The following MYPN variants were observed in gnomAD, a reference collection of about 807,000 sequenced individuals.
MYPN encodes the protein myopalladin, also known as sarcomeric protein myopalladin, 145 kDa (MYOP).
MYPN carries 63 observed loss-of-function variants against 129.4 expected under a neutral mutation model. That is an observed-to-expected ratio of 0.49 (90% CI 0.40 to 0.60). The LOEUF is 0.60. Ranked by LOEUF, MYPN falls within the 20% of genes least tolerant of loss-of-function variation. The pLI is 0.00. For synonymous variants in MYPN, 629 were observed against 600.9 expected (o/e 1.05, Z -0.68); for missense variants, 1,596 against 1,635.4 (o/e 0.98, Z 0.42).
intron 2 of MYPN, among the ~76,000 whole-genome samples, chr10:68,133,285 A>T (rs2042438146): frequency 6.6e-6 from 1 of 152,044 alleles, no homozygotes; most frequent in East Asian, 1.9e-4. Flanking sequence ...TCAGCCTCCC[A>T]AAGTGCTGGG....
At chr10:68,152,982 T>TTTTATTTTATTTTATTTTATTTTATTTTA (rs1564665903) in intron 6 of MYPN, among the ~76,000 whole-genome samples, 109 of 64,682 alleles carry the variant, frequency 1.7e-3, no homozygotes, top group African/African-American at 3.6e-3. Flanking sequence ...ATTTTATTTA[T>TTTTATTTTATTTTATTTTATTTTATTTTA]TTTATTTTAT....
intron 8 of MYPN, 66 bp from the exon 9 acceptor site, chr10:68,165,636 C>T: frequency 8.8e-7 from 1 of 1,134,948 alleles, no homozygotes; most frequent in Admixed American, 1.7e-5. Flanking sequence ...TCATCTGATA[C>T]CAGTAAATTC....
At chr10:68,187,091 G>T (rs972394552) in intron 12 of MYPN, among the ~76,000 whole-genome samples, 1 of 152,056 alleles carries the variant, frequency 6.6e-6, no homozygotes. Flanking sequence ...ACCATTCAGG[G>T]CTGGGCATGG....
At chr10:68,096,391 G>A (rs371604376) in intron 1 of MYPN, among the ~76,000 whole-genome samples, 209 of 152,162 alleles carry the variant, frequency 1.4e-3, no homozygotes, top group African/African-American at 4.6e-3. Context: ...GTGAAGCCCC[G>A]TCTCTACTAA....
Position 68,122,264 on chromosome 10 carries a change from C to G in MYPN, c.826C>G (p.Arg276Gly), listed in dbSNP as rs745678026. Residue 276 changes from arginine to glycine, a missense_variant, in exon 2 of 20, where the codon CGG becomes GGG. Coordinates refer to ENST00000358913, the MANE Select transcript of MYPN (RefSeq NM_032578.4). ...GQPPRFTQKL[R>G]SREVPEGTRV... Reference sequence around the variant, plus strand: ...ACCTCCCCGGTTCACTCAAAAGTTACGGAGCAGAGAAGTTCCAGAAGGAAC... The same window carrying G: ...ACCTCCCCGGTTCACTCAAAAGTTAGGGAGCAGAGAAGTTCCAGAAGGAAC... 2 of 1,613,640 alleles carry G rather than the reference C, an allele frequency of 1.2e-6. No individual in the cohort carries two copies. The highest frequency in any genetic ancestry group is 1.7e-6 in the Non-Finnish European group (2 of 1,179,834).
rs1199416417 is a variant in MYPN, at chr10:68,189,129, A to G, written c.2925+3A>G. On this transcript the variant is annotated splice_donor_region_variant and intron_variant, in intron 13 of 19. Transcript: ENST00000358913. ...TTGTTGGGATACCTGTTCCAAAGGT[A>G]GGGAAGATGACAAGCCAGTTGGCCA... is the stretch of plus-strand genomic sequence containing the variant. The G allele has an allele frequency of 1.2e-6, 2 of 1,612,070 alleles. No homozygotes were observed. The highest frequency in any genetic ancestry group is 1.3e-5 in the African/African-American group (1 of 75,022).
chr10:68,191,572 G>C (rs2043514263), intron 13 of MYPN, among the ~76,000 whole-genome samples: 1 of 152,088 alleles, frequency 6.6e-6, no homozygotes, highest in African/African-American at 2.4e-5. Flanking sequence ...GGATTGCGTT[G>C]AATCTGTATA....
upstream of MYPN, among the ~76,000 whole-genome samples, chr10:68,102,758 A>T (rs548234729): frequency 4.6e-5 from 7 of 152,152 alleles, no homozygotes; most frequent in Admixed American, 1.3e-4. Flanking sequence ...AACTACAATT[A>T]AAAAAAAGAA....
intron 2 of MYPN, among the ~76,000 whole-genome samples, chr10:68,137,931 T>G (rs2042512289): frequency 6.6e-6 from 1 of 152,222 alleles, no homozygotes. Flanking sequence ...ACACAAGTGT[T>G]CTTCCATATG....
chr10:68,107,915 G>A (rs78288691), upstream of MYPN, among the ~76,000 whole-genome samples: 3,970 of 152,256 alleles, frequency 0.026, 223 homozygotes, highest in East Asian at 0.2. Context: ...TCCCATGGGA[G>A]AGACCTACCC....
intron 18 of MYPN, among the ~76,000 whole-genome samples, chr10:68,206,295 A>G (rs1284361900): frequency 2.0e-5 from 3 of 152,088 alleles, no homozygotes; most frequent in Admixed American, 6.5e-5. Flanking sequence ...ACAGAAGGAA[A>G]CAGCAGGCTG....
chr10:68,091,394 T>TG, intron 1 of MYPN, among the ~76,000 whole-genome samples: 1 of 43,252 alleles, frequency 2.3e-5, no homozygotes, highest in Non-Finnish European at 3.5e-5. Context: ...ACTACAGCCC[T>TG]TTTTTTTTTT....
At chr10:68,114,539 G>C (rs961633864) in intron 1 of MYPN, among the ~76,000 whole-genome samples, 3 of 152,006 alleles carry the variant, frequency 2.0e-5, no homozygotes, top group Non-Finnish European at 4.4e-5. Flanking sequence ...AGTAGAGACA[G>C]GGTTTCACCA....
intron 1 of MYPN, among the ~76,000 whole-genome samples, chr10:68,115,258 CAA>C (rs58484168): frequency 0.067 from 3,583 of 53,496 alleles, 137 homozygotes; most frequent in African/African-American, 0.21. Context: ...AACTCCATCT[CAA>C]AAAAAAAAAA....
chr10:68,155,201 A>G (rs1281201144), intron 6 of MYPN, among the ~76,000 whole-genome samples: 2 of 152,130 alleles, frequency 1.3e-5, no homozygotes, highest in African/African-American at 4.8e-5. Flanking sequence ...ACAACAAAAA[A>G]CAAAACAAAA....
chr10:68,116,483 G>A (rs538657168), intron 1 of MYPN, among the ~76,000 whole-genome samples: 48 of 152,160 alleles, frequency 3.2e-4, no homozygotes, highest in Non-Finnish European at 5.6e-4. Flanking sequence ...TCAAACCCAG[G>A]TTTCTGATTA....
At chr10:68,141,953 G>T (rs956133164) in intron 2 of MYPN, among the ~76,000 whole-genome samples, 1 of 152,180 alleles carries the variant, frequency 6.6e-6, no homozygotes, top group African/African-American at 2.4e-5. Context: ...GTTCTGTTGT[G>T]TGACTGCATC....
At position 68,194,521 on chromosome 10, in the gene MYPN, G is replaced by A. The variant is rs370764417; in HGVS notation, c.3075+9G>A. 1.7e-5 allele frequency: 27 copies of A among 1,612,340 alleles called. No individual in the cohort carries two copies. Among genetic ancestry groups the A allele is most frequent in the Non-Finnish European group, 2.2e-5 (26 of 1,178,892 alleles). ...TGGCAGCCAACCCCCAGGTGGAGAC[G>A]CAGGGTTCTGCGCTGTGCTGCACTC... On this transcript the variant is annotated intron_variant, in intron 14 of 19. Transcript: ENST00000358913.
intron 18 of MYPN, among the ~76,000 whole-genome samples, chr10:68,202,562 A>T (rs193111851): frequency 6.6e-6 from 1 of 152,344 alleles, no homozygotes; most frequent in African/African-American, 2.4e-5. Context: ...ATGAAACATC[A>T]AGGCAGTTAT....
Sources: gnomAD v4.1 joint callset for allele counts (sites outside exome capture counted in the v4.1 genomes callset) on GRCh38, gnomAD v4.1.1 for gene constraint, MANE v1.5 for transcripts, NCBI Gene and HGNC (gene_info 2026-07-23, HGNC 2026-07-21) for gene names.